Variants in VPS8 observed in about 807,000 individuals in gnomAD.
VPS8 encodes vacuolar protein sorting-associated protein 8 homolog.
A neutral mutation model predicts 216.4 loss-of-function variants in VPS8; 129 were observed. The observed-to-expected ratio is 0.60, with a 90% confidence interval of 0.52 to 0.69. The LOEUF is 0.69. Among genes scored for constraint, VPS8 ranks in the 30% least tolerant of loss-of-function variants. VPS8 has a pLI of 0.00. For synonymous variants in VPS8, 571 were observed against 565.4 expected (o/e 1.01, Z -0.14); for missense variants, 1,531 against 1,683.5 (o/e 0.91, Z 1.59).
At chr3:184,829,656 A>G (rs1371779758) in intron 3 of VPS8, among the ~76,000 whole-genome samples, 2 of 152,204 alleles carry the variant, frequency 1.3e-5, no homozygotes, top group African/African-American at 2.4e-5. Context: ...AGTATATGAG[A>G]TTTCTGATTA....
chr3:184,909,215 A>G (rs1241922724), intron 25 of VPS8, among the ~76,000 whole-genome samples: 1 of 152,256 alleles, frequency 6.6e-6, no homozygotes, highest in Non-Finnish European at 1.5e-5. Context: ...GGGAGATGGC[A>G]ATACATAAAG....
At chr3:185,047,197 G>A (rs989461874) in intron 46 of VPS8, among the ~76,000 whole-genome samples, 1 of 152,206 alleles carries the variant, frequency 6.6e-6, no homozygotes, top group East Asian at 1.9e-4. Context: ...CTTGGAGACT[G>A]GCTCTGTGCG....
chr3:184,877,202 A>G (rs1729426410), intron 21 of VPS8, among the ~76,000 whole-genome samples: 1 of 152,180 alleles, frequency 6.6e-6, no homozygotes, highest in Non-Finnish European at 1.5e-5. Flanking sequence ...ATTGTCCCCC[A>G]GATTAACTCA....
At chr3:185,000,423 G>A (rs1175263460) in intron 45 of VPS8, among the ~76,000 whole-genome samples, 4 of 152,014 alleles carry the variant, frequency 2.6e-5, no homozygotes, top group Admixed American at 6.6e-5. Context: ...AACATGAGGG[G>A]TTCAATGTGG....
chr3:184,961,439 A>G lies in VPS8; in HGVS notation c.3184-3029A>G, dbSNP rs375020978. Among the ~76,000 whole-genome samples the G allele has an allele frequency of 2.2e-4, 33 of 152,346 alleles. No homozygotes were observed. The South Asian group carries it at 6.0e-3, about 28-fold the overall frequency. ...AATGTGCTGAATATCAATTATGTATATACCCACCAACCAAATTTTATAGTT... is the reference window on the plus strand; with the variant it reads ...AATGTGCTGAATATCAATTATGTATGTACCCACCAACCAAATTTTATAGTT... On this transcript the variant is annotated intron_variant, in intron 37 of 47. Coordinates refer to ENST00000625842, the MANE Select transcript of VPS8 (RefSeq NM_001009921.3).
intron 36 of VPS8, among the ~76,000 whole-genome samples, chr3:184,945,981 T>G (rs1188258797): frequency 6.6e-6 from 1 of 152,164 alleles, no homozygotes; most frequent in Non-Finnish European, 1.5e-5. Context: ...TAGTCATGAG[T>G]CCCAGGTCTG....
At chr3:184,832,234 GCTGTTTCCTACCCAGAATGCCTTTCTGCA>G (rs1314816530) in intron 3 of VPS8, among the ~76,000 whole-genome samples, 3 of 151,956 alleles carry the variant, frequency 2.0e-5, no homozygotes, top group South Asian at 2.1e-4. Context: ...GTCTTTCTGT[GCTGTTTCCTACCCAGAATGCCTTTCTGCA>G]CTGTTTCCTA....
chr3:184,870,388 G>A (rs1043642790), intron 20 of VPS8, among the ~76,000 whole-genome samples: 4 of 152,152 alleles, frequency 2.6e-5, no homozygotes, highest in Non-Finnish European at 4.4e-5. Context: ...CTTAGACTCC[G>A]AATGATTTGC....
chr3:184,977,890 T>TC (rs945680576), intron 40 of VPS8, among the ~76,000 whole-genome samples: 3 of 150,024 alleles, frequency 2.0e-5, no homozygotes, highest in East Asian at 1.9e-4. Context: ...TTTTCTTTTT[T>TC]TTTTTTTTTT....
chr3:184,972,776 A>T (rs2109651709), intron 40 of VPS8, among the ~76,000 whole-genome samples: 1 of 152,354 alleles, frequency 6.6e-6, no homozygotes, highest in South Asian at 2.1e-4. Context: ...GCGAGATGTG[A>T]TTTGATAGTT....
At chr3:184,977,614 A>G (rs1005586138) in intron 40 of VPS8, among the ~76,000 whole-genome samples, 5 of 152,018 alleles carry the variant, frequency 3.3e-5, no homozygotes, top group African/African-American at 1.2e-4. Context: ...ATCCATCTTA[A>G]GTTGATCTTT....
chr3:185,007,575 A>G (rs1447755854), intron 45 of VPS8, among the ~76,000 whole-genome samples: 1 of 152,208 alleles, frequency 6.6e-6, no homozygotes. Context: ...TCTTGAGAGT[A>G]GGTAATAAGC....
chr3:184,971,771 A>G lies in VPS8; in HGVS notation c.3420+19A>G, dbSNP rs768443678. On this transcript the variant is annotated intron_variant, in intron 40 of 47. Transcript: ENST00000625842. ...ACGTGAGGTAGGAGAATGACTGTTT[A>G]GGTATTTAAAAGCCTGTACTTGGCC... The G allele has an allele frequency of 1.9e-6, 3 of 1,604,654 alleles. No homozygotes were observed. The highest frequency in any genetic ancestry group is 2.6e-6 in the Non-Finnish European group (3 of 1,173,584).
intron 16 of VPS8, among the ~76,000 whole-genome samples, chr3:184,865,215 CTAAAG>C (rs1479738586): frequency 1.3e-5 from 2 of 152,100 alleles, no homozygotes; most frequent in Non-Finnish European, 2.9e-5. Flanking sequence ...GTTAAAATCT[CTAAAG>C]GAGAGAAGAA....
intron 21 of VPS8, among the ~76,000 whole-genome samples, chr3:184,883,066 TA>T (rs1730556026): frequency 6.6e-6 from 1 of 152,152 alleles, no homozygotes; most frequent in South Asian, 2.1e-4. Context: ...CTCAATTCTG[TA>T]TTAAATAGCA....
intron 38 of VPS8, among the ~76,000 whole-genome samples, chr3:184,965,650 A>G (rs980551943): frequency 4.0e-4 from 61 of 152,372 alleles, no homozygotes; most frequent in African/African-American, 1.4e-3. Context: ...CTTGTCACAC[A>G]GGATCAAATA....
At chr3:184,965,599 A>G (rs1340703700) in intron 38 of VPS8, among the ~76,000 whole-genome samples, 1 of 152,240 alleles carries the variant, frequency 6.6e-6, no homozygotes, top group Admixed American at 6.5e-5. Flanking sequence ...CCAGATTTGG[A>G]CAGATTTTGT....
In VPS8 at chr3:184,924,856, C is replaced by T. The variant is rs777743230; in HGVS notation, c.2455-6C>T. The stretch of plus-strand genomic sequence containing the variant: ...TATTGAATAAATGGTCTCCTTTGCT[C>T]TTCAGGTTATGGTGGAGAATTCAGA... On this transcript the variant is annotated splice_region_variant and splice_polypyrimidine_tract_variant and intron_variant, in intron 29 of 47. Coordinates refer to ENST00000625842, the MANE Select transcript of VPS8 (RefSeq NM_001009921.3). 14 of 1,607,288 alleles carry T rather than the reference C, an allele frequency of 8.7e-6. No homozygotes were observed. The Admixed American group carries it at 1.9e-4, about 21-fold the overall frequency.
intron 44 of VPS8, among the ~76,000 whole-genome samples, chr3:184,998,479 TTATATATATA>T (rs10530534): frequency 9.6e-5 from 13 of 135,014 alleles, no homozygotes; most frequent in African/African-American, 3.6e-4. Flanking sequence ...AAGAGGAAGT[TTATATATATA>T]TATATATATA....
Sources: allele counts gnomAD v4.1 joint callset (sites outside exome capture counted in the v4.1 genomes callset), GRCh38; gene constraint gnomAD v4.1.1; transcripts MANE v1.5; gene names NCBI Gene and HGNC (gene_info 2026-07-23, HGNC 2026-07-21).